The following MSR1 variants were observed in gnomAD, a reference collection of about 807,000 sequenced individuals.
MSR1 encodes macrophage scavenger receptor types I and II.
MSR1 carries 53 observed loss-of-function variants against 47.2 expected under a neutral mutation model. The ratio of observed to expected loss-of-function variants is 1.12; its 90% CI spans 0.90 to 1.41. The LOEUF (loss-of-function observed/expected upper bound fraction) is 1.41. Ranked by LOEUF, MSR1 falls within the 40% of genes most tolerant of loss-of-function variation. The pLI, the probability that MSR1 is intolerant of heterozygous loss-of-function variation, is 0.00. For missense variants in MSR1, 786 were observed against 546.9 expected (o/e 1.44, Z -4.36); for synonymous variants, 239 against 185.6 (o/e 1.29, Z -2.34).
intron 9 of MSR1, 79 bp from the exon 10 acceptor site, chr8:16,110,297 C>A (rs1799728791): frequency 4.7e-6 from 7 of 1,498,704 alleles, no homozygotes; most frequent in East Asian, 4.5e-5. Context: ...CCATTAATTC[C>A]TTCACTAATT....
Position 16,168,445 on chromosome 8 carries a change from C to T in MSR1, c.630+13G>A. ...AGTTCCAGCAAGTGACCTTGCAGTC[C>T]ACAAACTCTTACCTCTTGTTGTTTG... is the stretch of plus-strand genomic sequence containing the variant. On this transcript the variant is annotated intron_variant, in intron 4 of 9. Transcript: ENST00000262101. 1.2e-6 allele frequency: 2 copies of T among 1,613,900 alleles called. No homozygotes were observed. Among genetic ancestry groups the T allele is most frequent in the South Asian group, 2.2e-5 (2 of 90,984 alleles).
intron 9 of MSR1, among the ~76,000 whole-genome samples, chr8:16,111,238 A>G (rs1799749665): frequency 6.6e-6 from 1 of 152,192 alleles, no homozygotes; most frequent in Non-Finnish European, 1.5e-5. Context: ...CACAAATAGT[A>G]AGACTATTCC....
chr8:16,183,613 A>G (rs1801903921), intron 1 of MSR1, among the ~76,000 whole-genome samples: 1 of 89,244 alleles, frequency 1.1e-5, no homozygotes, highest in Non-Finnish European at 2.0e-5. Flanking sequence ...TAATAGGCAA[A>G]TATATAATAT....
chr8:16,108,015 G>C lies in MSR1; in HGVS notation c.*2070C>G, dbSNP rs1799673790. The C allele has an allele frequency of 6.6e-6, 1 of 151,362 alleles. No homozygotes were observed. Among genetic ancestry groups the C allele is most frequent in the African/African-American group, 2.4e-5 (1 of 41,242 alleles). 9.4% of individuals were successfully genotyped at this position (151,362 alleles called of 1,614,324 possible). A position where few individuals can be genotyped will look rare whatever the true frequency, so the allele number is the denominator to read the frequency against. On this transcript the variant is annotated 3_prime_UTR_variant, in exon 10 of 10. Transcript: ENST00000262101. Reference sequence around the variant, plus strand: ...TAGTAGATTCTCTCAAATACAAAAAGGATTTTTAGATTACTTATTAAAGAT... The same window carrying C: ...TAGTAGATTCTCTCAAATACAAAAACGATTTTTAGATTACTTATTAAAGAT...
intron 7 of MSR1, among the ~76,000 whole-genome samples, chr8:16,148,983 A>T (rs532449354): frequency 2.0e-5 from 3 of 152,250 alleles, no homozygotes; most frequent in African/African-American, 7.2e-5. Flanking sequence ...AAAAGGCAAA[A>T]CTATGGAGTC....
At chr8:16,191,074 T>C (rs751977935) in intron 1 of MSR1, among the ~76,000 whole-genome samples, 6 of 152,212 alleles carry the variant, frequency 3.9e-5, no homozygotes, top group Non-Finnish European at 7.3e-5. Context: ...AATAATAAGC[T>C]TGTGATCCTC....
chr8:16,188,618 T>G (rs1459320177), intron 1 of MSR1, among the ~76,000 whole-genome samples: 1 of 151,980 alleles, frequency 6.6e-6, no homozygotes, highest in South Asian at 2.1e-4. Flanking sequence ...AGGTTTTAAG[T>G]CCCACATGCA....
Position 16,186,466 on chromosome 8 carries a change from T to C in MSR1, c.-5+6132A>G, listed in dbSNP as rs149437688. On this transcript the variant is annotated intron_variant, in intron 1 of 9. Coordinates refer to ENST00000262101, the MANE Select transcript of MSR1 (RefSeq NM_138715.3). ...AACACCCCTGCTTAGAATTCTAATA[T>C]GGTGCAAACCTAGAGGTCTTCTTTT... is the stretch of plus-strand genomic sequence containing the variant. Among the ~76,000 whole-genome samples, 661 of 152,222 alleles carry C rather than the reference T, an allele frequency of 4.3e-3. 6 individuals are homozygous for C. Among genetic ancestry groups the C allele is most frequent in the African/African-American group, 0.016 (650 of 41,536 alleles).
At chr8:16,137,342 G>A (rs767324658) in intron 8 of MSR1, among the ~76,000 whole-genome samples, 15 of 152,092 alleles carry the variant, frequency 9.9e-5, no homozygotes, top group Non-Finnish European at 2.1e-4. Context: ...TTGATCTGCC[G>A]TAAGAATTTT....
intron 5 of MSR1, among the ~76,000 whole-genome samples, chr8:16,157,453 A>T (rs901704206): frequency 6.6e-6 from 1 of 151,908 alleles, no homozygotes; most frequent in Non-Finnish European, 1.5e-5. Flanking sequence ...ACAATAAGAA[A>T]AACAGGTAAA....
In MSR1 at chr8:16,154,183, C is replaced by A. The variant is rs528739982; in HGVS notation, c.898+881G>T. ...CAATACACTGATCAGAAAGAAGAACCTTTTATATAATCAAAAGACAGAAAA... is the reference window on the plus strand; with the variant it reads ...CAATACACTGATCAGAAAGAAGAACATTTTATATAATCAAAAGACAGAAAA... On this transcript the variant is annotated intron_variant, in intron 6 of 9. Coordinates refer to ENST00000262101, the MANE Select transcript of MSR1 (RefSeq NM_138715.3). Among the ~76,000 whole-genome samples, 3 of 151,788 alleles carry A rather than the reference C, an allele frequency of 2.0e-5. No individual in the cohort carries two copies. In the South Asian group the frequency reaches 6.2e-4, roughly 32 times the overall value.
intron 1 of MSR1, among the ~76,000 whole-genome samples, chr8:16,180,098 C>CTCTG (rs57076467): frequency 4.0e-5 from 6 of 148,832 alleles, no homozygotes; most frequent in South Asian, 2.1e-4. Context: ...CTCTCTTTCT[C>CTCTG]TCTGTCTGTC....
chr8:16,184,438 T>C (rs1439810426), intron 1 of MSR1, among the ~76,000 whole-genome samples: 1 of 152,152 alleles, frequency 6.6e-6, no homozygotes, highest in Non-Finnish European at 1.5e-5. Flanking sequence ...AAACAGACTA[T>C]AATAACCTTA....
intron 8 of MSR1, among the ~76,000 whole-genome samples, chr8:16,124,958 A>G (rs1366245203): frequency 1.3e-5 from 2 of 152,202 alleles, no homozygotes; most frequent in Non-Finnish European, 2.9e-5. Flanking sequence ...AGGGAATAGA[A>G]TATAGTTTCT....
At chr8:16,145,921 T>G (rs1282008758) in intron 7 of MSR1, among the ~76,000 whole-genome samples, 2 of 152,168 alleles carry the variant, frequency 1.3e-5, no homozygotes, top group Non-Finnish European at 2.9e-5. Context: ...TCCTATCCTA[T>G]GTATTACTCT....
chr8:16,186,211 A>C, intron 1 of MSR1: 1 of 1,535,320 alleles, frequency 6.5e-7, no homozygotes. Context: ...TAGCACATCC[A>C]GGGGAGTTTT....
intron 9 of MSR1, among the ~76,000 whole-genome samples, chr8:16,112,126 A>AT (rs1799770073): frequency 6.6e-6 from 1 of 151,998 alleles, no homozygotes; most frequent in Non-Finnish European, 1.5e-5. Flanking sequence ...TATTCTGGTT[A>AT]TTTTTCCTCT....
intron 4 of MSR1, among the ~76,000 whole-genome samples, chr8:16,167,260 T>G (rs1585179840): frequency 6.6e-6 from 1 of 152,096 alleles, no homozygotes; most frequent in Non-Finnish European, 1.5e-5. Flanking sequence ...CATTCGATGG[T>G]CAGCCAGGCG....
chr8:16,111,680 T>C (rs965050948), intron 9 of MSR1, among the ~76,000 whole-genome samples: 1 of 151,422 alleles, frequency 6.6e-6, no homozygotes, highest in South Asian at 2.1e-4. Flanking sequence ...GTTGTGGTCC[T>C]GATAATGAAA....
Sources: gnomAD v4.1 joint callset for allele counts (sites outside exome capture counted in the v4.1 genomes callset) on GRCh38, gnomAD v4.1.1 for gene constraint, MANE v1.5 for transcripts, NCBI Gene and HGNC (gene_info 2026-07-23, HGNC 2026-07-21) for gene names.